The following DAB1 variants were observed in gnomAD, a reference collection of about 807,000 sequenced individuals.
DAB1 encodes the protein DAB adaptor protein 1, also known as disabled homolog 1.
In DAB1, 15 loss-of-function variants were observed where a neutral mutation model predicts 64.6. That is an observed-to-expected ratio of 0.23 (90% confidence interval 0.16 to 0.36). The LOEUF is 0.36. Among genes scored for constraint, DAB1 ranks in the 10% least tolerant of loss-of-function variants. The pLI, the probability that DAB1 is intolerant of heterozygous loss-of-function variation, is 1.00. For missense variants in DAB1, 596 were observed against 706.7 expected (o/e 0.84, Z 1.78); for synonymous variants, 235 against 251.9 (o/e 0.93, Z 0.64).
rs1557726326 is a variant in DAB1, at chr1:58,300,645, AGAGGAAGGAAGG to A, written n.309+42695_309+42706del. 3.2e-4 allele frequency among the ~76,000 whole-genome samples: 18 copies of A among 55,850 alleles called. 1 individual carries two copies. Among genetic ancestry groups the A allele is most frequent in the East Asian group, 7.3e-4 (1 of 1,374 alleles). The allele number at this position is 55,850 out of a possible 152,430, so 36.6% of individuals were successfully genotyped here. A position where few individuals can be genotyped will look rare whatever the true frequency, so the allele number is the denominator to read the frequency against. ...GAGAGAGAGAGAGAGAGAGAGAGAGAGAGGAAGGAAGGAAGGAAGGAAGGAAGGAAGGAAGGA... is the reference window on the plus strand; with the variant it reads ...GAGAGAGAGAGAGAGAGAGAGAGAGAAAGGAAGGAAGGAAGGAAGGAAGGA... On this transcript the variant is annotated intron_variant and non_coding_transcript_variant, in intron 4 of 20. Coordinates refer to the DAB1 transcript ENST00000485760.
At chr1:58,311,294 C>T (rs1290577829) in intron 4 of DAB1, among the ~76,000 whole-genome samples, 1 of 152,164 alleles carries the variant, frequency 6.6e-6, no homozygotes, top group Non-Finnish European at 1.5e-5. Flanking sequence ...ATCATGAAGT[C>T]TCTCTCCCCT....
chr1:58,354,415 G>A (rs570245928), intron 3 of DAB1, among the ~76,000 whole-genome samples: 1 of 152,256 alleles, frequency 6.6e-6, no homozygotes, highest in African/African-American at 2.4e-5. Flanking sequence ...AGCATTTAAG[G>A]TGTTATCTCT....
At position 58,304,686 on chromosome 1, in the gene DAB1, G is replaced by C. The variant is rs1662266017; in HGVS notation, n.309+38666C>G. 2.0e-5 allele frequency among the ~76,000 whole-genome samples: 3 copies of C among 152,260 alleles called. No homozygotes were observed. The South Asian group carries it at 6.2e-4, about 32-fold the overall frequency. On this transcript the variant is annotated intron_variant and non_coding_transcript_variant, in intron 4 of 20. Transcript: ENST00000485760. The stretch of plus-strand genomic sequence containing the variant: ...TCCATTGCTGCTCTACAGAAAAGCT[G>C]TATTAGAATCACCAGAAGCTTGCTA...
chr1:57,385,442 C>T (rs1681728843), intron 1 of DAB1, among the ~76,000 whole-genome samples: 1 of 152,194 alleles, frequency 6.6e-6, no homozygotes. Flanking sequence ...ATAAAAATCA[C>T]TTTCTGGATC....
chr1:58,125,012 A>C (rs1652977695), intron 5 of DAB1, among the ~76,000 whole-genome samples: 1 of 152,152 alleles, frequency 6.6e-6, no homozygotes, highest in Non-Finnish European at 1.5e-5. Flanking sequence ...ATATTTGATC[A>C]AGGGGGATTC....
rs116213689 is a variant in DAB1 at position 57,980,032 on chromosome 1, T to C, written n.388-95870A>G. Among the ~76,000 whole-genome samples, 767 of 152,318 alleles carry C rather than the reference T, an allele frequency of 5.0e-3. 9 individuals carry two copies. Among genetic ancestry groups the C allele is most frequent in the African/African-American group, 0.018 (736 of 41,586 alleles). On this transcript the variant is annotated intron_variant and non_coding_transcript_variant, in intron 5 of 20. Coordinates refer to the DAB1 transcript ENST00000485760. ...CAGTCTTGGTCTCTAGATTTCTATT[T>C]ACTCAGAGTCATCATCTAACCAATA...
chr1:58,481,217 T>C (rs778522860), intron 3 of DAB1: 1 of 629,974 alleles, frequency 1.6e-6, no homozygotes. Context: ...TATATATACA[T>C]CAATGTATTC....
chr1:58,370,046 T>C (rs1220116492), intron 3 of DAB1, among the ~76,000 whole-genome samples: 1 of 152,260 alleles, frequency 6.6e-6, no homozygotes, highest in African/African-American at 2.4e-5. Context: ...TAGGACCCAG[T>C]GATGCCATAT....
At chr1:57,046,537 T>C (rs898940794) in intron 9 of DAB1, among the ~76,000 whole-genome samples, 55 of 152,352 alleles carry the variant, frequency 3.6e-4, no homozygotes, top group African/African-American at 1.3e-3. Flanking sequence ...GCTGAATTAC[T>C]GTACTAAGAG....
intron 6 of DAB1, among the ~76,000 whole-genome samples, chr1:57,695,080 G>A (rs113433250): frequency 1.7e-4 from 26 of 151,462 alleles, no homozygotes; most frequent in African/African-American, 4.4e-4. Context: ...ATAAATTAGC[G>A]GGGCAAGGTG....
chr1:58,098,107 A>G (rs1280275631), intron 5 of DAB1, among the ~76,000 whole-genome samples: 1 of 152,194 alleles, frequency 6.6e-6, no homozygotes, highest in Non-Finnish European at 1.5e-5. Flanking sequence ...GAAAATACAT[A>G]CAGGCCATGT....
At chr1:57,945,064 T>C (rs778558818) in intron 5 of DAB1, among the ~76,000 whole-genome samples, 6 of 152,210 alleles carry the variant, frequency 3.9e-5, no homozygotes, top group Non-Finnish European at 8.8e-5. Context: ...TTGAATGTGT[T>C]GGTCCCTCCC....
At position 57,762,457 on chromosome 1, in the gene DAB1, G is replaced by A. The variant is rs146299164; in HGVS notation, n.552-112792C>T. On this transcript the variant is annotated intron_variant and non_coding_transcript_variant, in intron 6 of 20. Transcript: ENST00000485760. Reference sequence around the variant, plus strand: ...ATGTCAAAATGAAACTAAACTAAACGGGGAGGCAATGTAAGGTTAACAATG... The same window carrying A: ...ATGTCAAAATGAAACTAAACTAAACAGGGAGGCAATGTAAGGTTAACAATG... Among the ~76,000 whole-genome samples, 197 of 152,190 alleles carry A rather than the reference G, an allele frequency of 1.3e-3. No homozygotes were observed. In the Middle Eastern group the frequency reaches 0.014, roughly 11 times the overall value.
intron 14 of DAB1, among the ~76,000 whole-genome samples, chr1:57,000,001 T>A (rs3820581): frequency 0.19 from 28,571 of 151,298 alleles, 3,252 homozygotes; most frequent in East Asian, 0.33. Context: ...CATTCTTCCA[T>A]GTCCTACTTC....
chr1:57,899,367 T>C (rs1305161129), intron 5 of DAB1, among the ~76,000 whole-genome samples: 2 of 152,180 alleles, frequency 1.3e-5, no homozygotes, highest in African/African-American at 4.8e-5. Context: ...TCTTATACCA[T>C]TGTTAGATGT....
At chr1:57,218,636 A>C (rs755852076) in intron 2 of DAB1, among the ~76,000 whole-genome samples, 3 of 151,996 alleles carry the variant, frequency 2.0e-5, no homozygotes, top group Non-Finnish European at 4.4e-5. Context: ...TCTAGGCTGC[A>C]ATGAGCCATG....
At chr1:57,255,716 C>A (rs1004838156) in intron 2 of DAB1, among the ~76,000 whole-genome samples, 2 of 152,114 alleles carry the variant, frequency 1.3e-5, no homozygotes, top group African/African-American at 4.8e-5. Flanking sequence ...TACCTTCTTA[C>A]GGAGTCTACA....
intron 2 of DAB1, among the ~76,000 whole-genome samples, chr1:57,212,584 T>G (rs987876753): frequency 5.3e-5 from 8 of 151,710 alleles, no homozygotes; most frequent in Non-Finnish European, 1.2e-4. Context: ...AGCCAGGATG[T>G]TCTCGATCTC....
intron 2 of DAB1, among the ~76,000 whole-genome samples, chr1:57,290,589 A>AT (rs1558101315): frequency 2.0e-5 from 3 of 152,218 alleles, no homozygotes; most frequent in African/African-American, 7.2e-5. Context: ...CATAGAAGGC[A>AT]TATGCAGAAA....
Sources: allele counts gnomAD v4.1 joint callset (sites outside exome capture counted in the v4.1 genomes callset), GRCh38; gene constraint gnomAD v4.1.1; transcripts MANE v1.5; gene names NCBI Gene and HGNC (gene_info 2026-07-23, HGNC 2026-07-21).